The following TNFRSF8 variants were observed in gnomAD, a reference collection of about 807,000 sequenced individuals.
The protein encoded by TNFRSF8 is tumor necrosis factor receptor superfamily member 8.
Under a neutral mutation model 70.8 loss-of-function variants are expected in TNFRSF8, and 26 were observed. The observed-to-expected ratio is 0.37, with a 90% CI of 0.27 to 0.51. The LOEUF is 0.51. Among genes scored for constraint, TNFRSF8 ranks in the 20% least tolerant of loss-of-function variants. The pLI is 0.94. For missense variants in TNFRSF8, 720 were observed against 807.9 expected (o/e 0.89, Z 1.32); for synonymous variants, 356 against 339.2 (o/e 1.05, Z -0.54).
At chr1:12,115,496 C>G (rs1393357929) in intron 7 of TNFRSF8, 81 bp from the exon 8 acceptor site, 4 of 1,499,324 alleles carry the variant, frequency 2.7e-6, no homozygotes, top group Non-Finnish European at 3.7e-6. Flanking sequence ...ACAACTGCTT[C>G]TCTGTCTTCC....
chr1:12,095,541 G>T (rs895964107), intron 2 of TNFRSF8, among the ~76,000 whole-genome samples: 4 of 152,194 alleles, frequency 2.6e-5, no homozygotes, highest in African/African-American at 7.2e-5. Flanking sequence ...ACCCACCTCG[G>T]CCTCCCAAAG....
chr1:12,142,513 AGCT>A lies in TNFRSF8; in HGVS notation c.1773_1775del (p.Ala592del). The A allele has an allele frequency of 6.4e-7, 1 of 1,573,384 alleles. No homozygotes were observed. Among genetic ancestry groups the A allele is most frequent in the Non-Finnish European group, 8.6e-7 (1 of 1,159,410 alleles). ...AAGGGAAAGAAGACCCCTTGCCCAC[AGCT>A]GCCTCTGGAAAGTGAGGCCTGGGCT... On this transcript the variant is annotated inframe_deletion, in exon 15 of 15. Coordinates refer to ENST00000263932, the MANE Select transcript of TNFRSF8 (RefSeq NM_001243.5). The surrounding 1 kb of genome is among the most constrained non-coding windows in gnomAD (Gnocchi z 5.0).
intron 1 of TNFRSF8, among the ~76,000 whole-genome samples, chr1:12,079,202 G>A (rs990929604): frequency 2.6e-5 from 4 of 152,192 alleles, no homozygotes. Context: ...GTCTTGTAGG[G>A]AAAACCAAAC....
chr1:12,114,005 G>A (rs912177433), intron 7 of TNFRSF8, among the ~76,000 whole-genome samples: 1 of 152,194 alleles, frequency 6.6e-6, no homozygotes, highest in African/African-American at 2.4e-5. Context: ...CAACCACCAT[G>A]TGGACATATG....
chr1:12,141,385 G>A lies in TNFRSF8; in HGVS notation c.1544-902G>A, dbSNP rs1315918279. ...CAGCTCCTCGGGCCACTGAACCTGA[G>A]CCCCCATGTCCCCTCTATCAGAAGG... On this transcript the variant is annotated intron_variant, in intron 14 of 14. Transcript: ENST00000263932. This position sits in a 1 kb window ranked among gnomAD's most constrained non-coding sequence, Gnocchi z 5.4. 6.6e-6 allele frequency among the ~76,000 whole-genome samples: 1 copy of A among 152,194 alleles called. No homozygotes were observed. The highest frequency in any genetic ancestry group is 2.4e-5 in the African/African-American group (1 of 41,452).
At chr1:12,103,632 G>A (rs1392661386) in intron 3 of TNFRSF8, among the ~76,000 whole-genome samples, 1 of 151,244 alleles carries the variant, frequency 6.6e-6, no homozygotes, top group Non-Finnish European at 1.5e-5. Context: ...ACCATGCCTG[G>A]CTAATTTTTG....
At chr1:12,131,801 AT>A (rs911137809) in intron 12 of TNFRSF8, among the ~76,000 whole-genome samples, 4 of 144,702 alleles carry the variant, frequency 2.8e-5, no homozygotes, top group African/African-American at 5.1e-5. Context: ...GCTAGTCCTC[AT>A]TTTTTTTTTG....
Position 12,143,589 on chromosome 1 carries a change from A to G in TNFRSF8, c.*1058A>G, listed in dbSNP as rs1399042199. The G allele has an allele frequency of 6.6e-6, 1 of 152,358 alleles. No individual in the cohort carries two copies. The highest frequency in any genetic ancestry group is 1.5e-5 in the Non-Finnish European group (1 of 68,154). The allele number at this position is 152,358 out of a possible 1,614,324, so 9.4% of individuals were successfully genotyped here. A position where few individuals can be genotyped will look rare whatever the true frequency, so the allele number is the denominator to read the frequency against. ...AGAGGCACCACGGCCTCACCCAGGC[A>G]TCTGCTTTACTCTGGACCATAGGAA... is the stretch of plus-strand genomic sequence containing the variant. On this transcript the variant is annotated 3_prime_UTR_variant, in exon 15 of 15. Coordinates refer to ENST00000263932, the MANE Select transcript of TNFRSF8 (RefSeq NM_001243.5). The surrounding 1 kb of genome is among the most constrained non-coding windows in gnomAD (Gnocchi z 4.1).
At chr1:12,107,283 T>C (rs1015519427) in intron 4 of TNFRSF8, among the ~76,000 whole-genome samples, 1 of 151,934 alleles carries the variant, frequency 6.6e-6, no homozygotes, top group Non-Finnish European at 1.5e-5. Context: ...AAATCTCAAC[T>C]ACTTGGGAGG....
chr1:12,109,426 A>G lies in TNFRSF8; in HGVS notation c.422-140A>G. ...TTTACTCTGAAGGGGAACGGGTGCCAGGCGGGTGCCACCTCCAGATGACTG... is the reference window on the plus strand; with the variant it reads ...TTTACTCTGAAGGGGAACGGGTGCCGGGCGGGTGCCACCTCCAGATGACTG... On this transcript the variant is annotated intron_variant, in intron 4 of 14. Transcript: ENST00000263932. This position sits in a 1 kb window ranked among gnomAD's most constrained non-coding sequence, Gnocchi z 4.4. The G allele has an allele frequency of 1.6e-6, 1 of 629,340 alleles. No individual in the cohort carries two copies. The highest frequency in any genetic ancestry group is 2.8e-6 in the Non-Finnish European group (1 of 357,428). 39.0% of individuals were successfully genotyped at this position (629,340 alleles called of 1,614,324 possible).
intron 14 of TNFRSF8, among the ~76,000 whole-genome samples, chr1:12,140,705 T>C (rs917404854): frequency 6.6e-6 from 1 of 152,186 alleles, no homozygotes; most frequent in Non-Finnish European, 1.5e-5. Flanking sequence ...ATTCCAGATT[T>C]CCTGGGGACT....
At chr1:12,117,127 G>A (rs549913351) in intron 8 of TNFRSF8, among the ~76,000 whole-genome samples, 7 of 151,964 alleles carry the variant, frequency 4.6e-5, no homozygotes, top group African/African-American at 1.7e-4. Context: ...GTCTTGCCCA[G>A]GCCGATGTGC....
At chr1:12,127,487 C>T (rs1641963506) in intron 12 of TNFRSF8, among the ~76,000 whole-genome samples, 1 of 152,256 alleles carries the variant, frequency 6.6e-6, no homozygotes. Context: ...TCCACCATCG[C>T]AATGCCTACC....
chr1:12,124,332 TG>T (rs1300921363), intron 10 of TNFRSF8, among the ~76,000 whole-genome samples: 1 of 152,174 alleles, frequency 6.6e-6, no homozygotes, highest in Non-Finnish European at 1.5e-5. Flanking sequence ...CTTTAATTCT[TG>T]TAGGCAGGAA....
chr1:12,110,100 C>A lies in TNFRSF8; in HGVS notation c.572C>A (p.Thr191Asn), dbSNP rs752788727. The change falls in exon 6 of 15, where the codon ACC becomes AAC. Residue 191 changes from threonine (T) to asparagine (N), a missense_variant. Coordinates refer to ENST00000263932, the MANE Select transcript of TNFRSF8 (RefSeq NM_001243.5). The surrounding 1 kb of genome is among the most constrained non-coding windows in gnomAD (Gnocchi z 4.0). ...PVSPATSSAS[T>N]MPVRGGTRLA... ...TCCCCAGCAACCTCCAGTGCCAGCA[C>A]CATGCCTGTAAGAGGGGGCACCCGC... 1 of 1,613,524 alleles carries A rather than the reference C, an allele frequency of 6.2e-7. No individual in the cohort carries two copies. Among genetic ancestry groups the A allele is most frequent in the Non-Finnish European group, 8.5e-7 (1 of 1,179,746 alleles).
At chr1:12,066,495 A>G (rs1640743420) in intron 1 of TNFRSF8, among the ~76,000 whole-genome samples, 1 of 151,838 alleles carries the variant, frequency 6.6e-6, no homozygotes, top group African/African-American at 2.4e-5. Flanking sequence ...CTTGGATTAC[A>G]GGCACTTGCC....
intron 1 of TNFRSF8, among the ~76,000 whole-genome samples, chr1:12,069,170 CTTTTTTTTTTTT>C (rs57009728): frequency 3.7e-5 from 2 of 53,548 alleles, no homozygotes; most frequent in African/African-American, 1.7e-4. Context: ...TGCACCCGGC[CTTTTTTTTTTTT>C]TTTTTTTTTT....
rs520311 is a variant in TNFRSF8, at chr1:12,143,542, A to G, written c.*1011A>G. On this transcript the variant is annotated 3_prime_UTR_variant, in exon 15 of 15. Coordinates refer to ENST00000263932, the MANE Select transcript of TNFRSF8 (RefSeq NM_001243.5). This position sits in a 1 kb window ranked among gnomAD's most constrained non-coding sequence, Gnocchi z 4.1. ...CCCCACCACCTGGTTCCGGCTCTGC[A>G]CGCTTTGGGGTGTGGATGTCGAGAG... is the stretch of plus-strand genomic sequence containing the variant. The G allele has an allele frequency of 3.3e-5, 5 of 152,362 alleles. No homozygotes were observed. Among genetic ancestry groups the G allele is most frequent in the African/African-American group, 1.2e-4 (5 of 41,408 alleles). The allele number at this position is 152,362 out of a possible 1,614,324, so 9.4% of individuals were successfully genotyped here.
chr1:12,096,344 T>C (rs764033721), intron 2 of TNFRSF8, among the ~76,000 whole-genome samples: 9 of 150,970 alleles, frequency 6.0e-5, no homozygotes, highest in Admixed American at 1.3e-4. Context: ...CTGGGCCACA[T>C]TGGAAGAAGA....
Sources: allele counts gnomAD v4.1 joint callset (sites outside exome capture counted in the v4.1 genomes callset), GRCh38; gene constraint gnomAD v4.1.1; non-coding constraint Gnocchi (gnomAD v3.1); transcripts MANE v1.5; gene names NCBI Gene and HGNC (gene_info 2026-07-23, HGNC 2026-07-21).